DPP10: variants seen among roughly 807,000 people sequenced by gnomAD.
DPP10 encodes dipeptidyl peptidase like 10.
In DPP10, 33 loss-of-function variants were observed where a neutral mutation model predicts 120.9. The observed-to-expected ratio is 0.27, with a 90% CI of 0.21 to 0.37. The LOEUF is 0.37. DPP10 is among the 10% of genes least tolerant of loss of function. DPP10 has a pLI of 1.00. For synonymous variants in DPP10, 337 were observed against 326.1 expected, an observed-to-expected ratio of 1.03 and a Z score of -0.36; for missense variants, 816 against 942.8, an observed-to-expected ratio of 0.87 and a Z score of 1.76.
At chr2:115,676,027 G>A (rs2090225106) in intron 5 of DPP10, among the ~76,000 whole-genome samples, 1 of 152,156 alleles carries the variant, frequency 6.6e-6, no homozygotes, top group Admixed American at 6.5e-5. Flanking sequence ...AGCACAGTGA[G>A]GAAGCTTTCC....
chr2:115,677,112 A>G (rs1408777702), intron 5 of DPP10, among the ~76,000 whole-genome samples: 1 of 152,174 alleles, frequency 6.6e-6, no homozygotes, highest in African/African-American at 2.4e-5. Flanking sequence ...GAAATTAAGG[A>G]GAAATAAAGT....
intron 1 of DPP10, among the ~76,000 whole-genome samples, chr2:114,501,947 T>TTTC (rs1553452137): frequency 2.7e-5 from 4 of 147,788 alleles, no homozygotes; most frequent in African/African-American, 2.5e-5. Flanking sequence ...TTTTTTTTTT[T>TTTC]TTTTTTGAGA....
At chr2:115,012,534 C>T (rs779511395) in intron 1 of DPP10, among the ~76,000 whole-genome samples, 6 of 152,168 alleles carry the variant, frequency 3.9e-5, no homozygotes, top group Non-Finnish European at 8.8e-5. Flanking sequence ...GCCCCAGTAC[C>T]AGCCTGGAGC....
intron 1 of DPP10, among the ~76,000 whole-genome samples, chr2:115,059,402 T>C (rs1229152194): frequency 6.8e-6 from 1 of 147,356 alleles, no homozygotes; most frequent in Non-Finnish European, 1.5e-5. Flanking sequence ...TTTTCTCTAA[T>C]ACCAATATCC....
chr2:115,175,840 A>T (rs536020935), intron 1 of DPP10, among the ~76,000 whole-genome samples: 1 of 152,264 alleles, frequency 6.6e-6, no homozygotes, highest in East Asian at 1.9e-4. Flanking sequence ...AAGTAGCTGT[A>T]TGTGGCTAGG....
At chr2:115,198,870 C>A (rs181187282) in intron 1 of DPP10, among the ~76,000 whole-genome samples, 1 of 152,168 alleles carries the variant, frequency 6.6e-6, no homozygotes, top group Middle Eastern at 3.2e-3. Flanking sequence ...TATTGCCTCT[C>A]AAGAAGTAGA....
intron 1 of DPP10, among the ~76,000 whole-genome samples, chr2:114,482,862 G>A (rs988594793): frequency 6.6e-6 from 1 of 152,124 alleles, no homozygotes; most frequent in Non-Finnish European, 1.5e-5. Context: ...TCAGTCACCT[G>A]GATCCACAAT....
At chr2:115,413,420 C>T (rs1305715538) in intron 3 of DPP10, among the ~76,000 whole-genome samples, 1 of 152,102 alleles carries the variant, frequency 6.6e-6, no homozygotes. Context: ...ATAGTGGCAG[C>T]CGCTCCACAG....
intron 1 of DPP10, among the ~76,000 whole-genome samples, chr2:114,799,366 C>G (rs1451433438): frequency 3.3e-5 from 5 of 152,304 alleles, no homozygotes; most frequent in African/African-American, 1.2e-4. Context: ...GCTGCCTTCT[C>G]ATTCACAGGA....
chr2:115,059,685 GAAAAA>G (rs34515129), intron 1 of DPP10, among the ~76,000 whole-genome samples: 1 of 116,344 alleles, frequency 8.6e-6, no homozygotes, highest in Admixed American at 9.5e-5. Context: ...ACCTCAACAG[GAAAAA>G]AAAAAAAAAA....
At chr2:115,146,618 A>AAT (rs1340962937) in intron 1 of DPP10, among the ~76,000 whole-genome samples, 19 of 152,084 alleles carry the variant, frequency 1.2e-4, no homozygotes, top group African/African-American at 4.3e-4. Flanking sequence ...GAGTCTTTCA[A>AAT]ATATCTACTA....
chr2:115,252,189 T>C (rs1369736453), intron 1 of DPP10, among the ~76,000 whole-genome samples: 52 of 152,222 alleles, frequency 3.4e-4, no homozygotes, highest in Admixed American at 3.4e-3. Flanking sequence ...AGAATCTTAG[T>C]AGATACTCTC....
chr2:114,599,381 G>C lies in DPP10; in HGVS notation c.60+156543G>C, dbSNP rs1363231838. The stretch of plus-strand genomic sequence containing the variant: ...AAAAGTGCCTTCATTTTCCTTTGCA[G>C]GTCACTCATTCTACCACCACCTGTG... On this transcript the variant is annotated intron_variant, in intron 1 of 25. Transcript: ENST00000410059. Among the ~76,000 whole-genome samples, 5 of 151,756 alleles carry C rather than the reference G, an allele frequency of 3.3e-5. No homozygotes were observed. In the South Asian group the frequency reaches 8.3e-4, roughly 25 times the overall value.
intron 7 of DPP10, among the ~76,000 whole-genome samples, chr2:115,724,917 G>A (rs554855002): frequency 2.6e-5 from 4 of 152,120 alleles, no homozygotes; most frequent in Admixed American, 6.6e-5. Context: ...ACACACTTTC[G>A]AACAGCCAGA....
chr2:115,473,549 A>G (rs1352247786), intron 3 of DPP10, among the ~76,000 whole-genome samples: 6 of 152,128 alleles, frequency 3.9e-5, no homozygotes, highest in Non-Finnish European at 8.8e-5. Flanking sequence ...ACAATTATCA[A>G]TATCAGCCAA....
chr2:115,388,732 G>A (rs930587837), intron 3 of DPP10, among the ~76,000 whole-genome samples: 4 of 152,116 alleles, frequency 2.6e-5, no homozygotes, highest in Non-Finnish European at 4.4e-5. Context: ...GCATTTCACA[G>A]CATCTTGCTC....
At chr2:115,546,139 A>G (rs998953466) in intron 5 of DPP10, among the ~76,000 whole-genome samples, 4 of 152,108 alleles carry the variant, frequency 2.6e-5, no homozygotes, top group Admixed American at 6.6e-5. Context: ...CTACAAGACA[A>G]TGACACTGAT....
chr2:114,812,713 CTTTTG>C (rs1473602902), intron 1 of DPP10, among the ~76,000 whole-genome samples: 5 of 151,676 alleles, frequency 3.3e-5, no homozygotes, highest in African/African-American at 7.3e-5. Flanking sequence ...CCTCCACAGT[CTTTTG>C]TTTGTTTGTT....
intron 1 of DPP10, among the ~76,000 whole-genome samples, chr2:114,546,916 A>AT (rs1687452813): frequency 1.3e-5 from 2 of 152,210 alleles, no homozygotes; most frequent in African/African-American, 4.8e-5. Context: ...TGTCTGTTGG[A>AT]TTTTATTCTT....
Sources: gnomAD v4.1 joint callset for allele counts (sites outside exome capture counted in the v4.1 genomes callset) on GRCh38, gnomAD v4.1.1 for gene constraint, MANE v1.5 for transcripts, NCBI Gene and HGNC (gene_info 2026-07-23, HGNC 2026-07-21) for gene names.